NELL2: variants seen among roughly 807,000 people sequenced by gnomAD.
NELL2 encodes the protein neural EGFL like 2, also known as protein kinase C-binding protein NELL2.
NELL2 carries 41 observed loss-of-function variants against 109.6 expected under a neutral mutation model. The observed-to-expected ratio is 0.37, with a 90% CI of 0.29 to 0.49. NELL2 has a LOEUF of 0.49. Among genes scored for constraint, NELL2 ranks in the 20% least tolerant of loss-of-function variants. The pLI is 0.98. For missense variants in NELL2, 900 were observed against 1,008.3 expected, an observed-to-expected ratio of 0.89 and a Z score of 1.45; for synonymous variants, 355 against 344.7, an observed-to-expected ratio of 1.03 and a Z score of -0.33.
chr12:44,516,905 T>C (rs1314366867), intron 19 of NELL2, among the ~76,000 whole-genome samples: 1 of 151,494 alleles, frequency 6.6e-6, no homozygotes, highest in Non-Finnish European at 1.5e-5. Flanking sequence ...TTGTGACTTT[T>C]TTTTTTTTTT....
intron 15 of NELL2, among the ~76,000 whole-genome samples, chr12:44,593,839 G>C (rs1372539818): frequency 6.6e-6 from 1 of 152,134 alleles, no homozygotes; most frequent in African/African-American, 2.4e-5. Flanking sequence ...GCTTAGGATT[G>C]TCTTGGCTAT....
At chr12:44,539,093 G>C (rs1198409591) in intron 15 of NELL2, among the ~76,000 whole-genome samples, 1 of 152,048 alleles carries the variant, frequency 6.6e-6, no homozygotes, top group Non-Finnish European at 1.5e-5. Flanking sequence ...TTAATGATTT[G>C]TCTGTTTCCC....
intron 15 of NELL2, 23 bp from the exon 16 acceptor site, chr12:44,532,744 A>G (rs776476893): frequency 8.8e-6 from 14 of 1,595,044 alleles, no homozygotes; most frequent in Non-Finnish European, 1.0e-5. Flanking sequence ...GAGGGATTTT[A>G]TAAAATTATT....
upstream of NELL2, among the ~76,000 whole-genome samples, chr12:44,918,074 A>T (rs1324004927): frequency 6.6e-6 from 1 of 152,188 alleles, no homozygotes; most frequent in Non-Finnish European, 1.5e-5. Context: ...AAACACCTCC[A>T]CTTGACCTAA....
chr12:44,908,335 T>C (rs1304033412), intron 1 of NELL2, among the ~76,000 whole-genome samples: 1 of 151,928 alleles, frequency 6.6e-6, no homozygotes, highest in African/African-American at 2.4e-5. Flanking sequence ...AACTTTAAGA[T>C]GGGTAAGAAA....
At position 44,701,534 on chromosome 12, in the gene NELL2, C is replaced by T. The variant is rs1592362026; in HGVS notation, c.1318+2192G>A. 3.3e-5 allele frequency among the ~76,000 whole-genome samples: 5 copies of T among 152,184 alleles called. 1 individual carries two copies. Among genetic ancestry groups the T allele is most frequent in the Admixed American group, 3.3e-4 (5 of 15,266 alleles). The stretch of plus-strand genomic sequence containing the variant: ...ATTAAACAAGTAAGGTAATCTAAAT[C>T]TCTGGCCCCTTTCCTTAACTTCTTT... On this transcript the variant is annotated intron_variant, in intron 12 of 19. Coordinates refer to ENST00000429094, the MANE Select transcript of NELL2 (RefSeq NM_001145108.2).
chr12:44,561,505 C>T (rs1486905272), intron 15 of NELL2, among the ~76,000 whole-genome samples: 5 of 152,116 alleles, frequency 3.3e-5, no homozygotes, highest in Non-Finnish European at 7.4e-5. Context: ...AATCAATGTG[C>T]CAAAATCACA....
intron 9 of NELL2, among the ~76,000 whole-genome samples, chr12:44,734,926 T>C (rs2136481841): frequency 6.6e-6 from 1 of 152,198 alleles, no homozygotes; most frequent in East Asian, 1.9e-4. Context: ...TTATTAAGCA[T>C]AGATTTCAAG....
chr12:44,719,097 A>AGG (rs1938636209), intron 9 of NELL2, among the ~76,000 whole-genome samples: 1 of 152,216 alleles, frequency 6.6e-6, no homozygotes, highest in Admixed American at 6.5e-5. Flanking sequence ...ATCAATTAAT[A>AGG]AAAATTATTT....
intron 10 of NELL2, 39 bp downstream of exon 10, chr12:44,714,611 T>C: frequency 7.7e-7 from 1 of 1,299,276 alleles, no homozygotes; most frequent in Non-Finnish European, 1.1e-6. Flanking sequence ...TGTTTATAAA[T>C]AGAAACAATT....
chr12:44,554,201 G>C (rs893194893), intron 15 of NELL2, among the ~76,000 whole-genome samples: 4 of 152,080 alleles, frequency 2.6e-5, no homozygotes, highest in African/African-American at 9.7e-5. Context: ...ACTTTGAATG[G>C]ATGCCATCTT....
intron 12 of NELL2, among the ~76,000 whole-genome samples, chr12:44,668,294 C>T (rs1456515379): frequency 6.6e-6 from 1 of 152,100 alleles, no homozygotes; most frequent in African/African-American, 2.4e-5. Context: ...AGCCGCCTGC[C>T]CAGGGTCACT....
intron 10 of NELL2, 112 bp downstream of exon 10, chr12:44,714,538 T>G (rs911292889): frequency 3.3e-6 from 2 of 608,948 alleles, no homozygotes; most frequent in Non-Finnish European, 5.7e-6. Flanking sequence ...TTGTGAATTT[T>G]CTCTTTGCAT....
intron 1 of NELL2, among the ~76,000 whole-genome samples, chr12:44,882,052 G>A (rs1321804254): frequency 6.6e-6 from 1 of 151,688 alleles, no homozygotes; most frequent in East Asian, 1.9e-4. Context: ...GAATAAATAT[G>A]AAAGAAAAAC....
intron 13 of NELL2, among the ~76,000 whole-genome samples, chr12:44,636,781 G>A (rs964388500): frequency 1.3e-5 from 2 of 152,130 alleles, no homozygotes; most frequent in African/African-American, 4.8e-5. Flanking sequence ...TTGGTATCAG[G>A]ATGATGCTGG....
chr12:44,670,130 T>G (rs1037638950), intron 12 of NELL2, among the ~76,000 whole-genome samples: 2 of 152,138 alleles, frequency 1.3e-5, no homozygotes, highest in Non-Finnish European at 2.9e-5. Context: ...CCAAGAATAC[T>G]ATACCCAGAA....
intron 9 of NELL2, among the ~76,000 whole-genome samples, chr12:44,737,205 T>G (rs1191006529): frequency 6.6e-6 from 1 of 152,046 alleles, no homozygotes; most frequent in Non-Finnish European, 1.5e-5. Context: ...GTTTAATTTT[T>G]GAGTATTTTA....
rs1180131785 is a variant in NELL2 at position 44,508,620 on chromosome 12, G to A, written c.*314C>T. 1.4e-5 allele frequency: 3 copies of A among 217,510 alleles called. No homozygotes were observed. The highest frequency in any genetic ancestry group is 2.7e-5 in the Non-Finnish European group (3 of 110,852). 13.5% of individuals were successfully genotyped at this position (217,510 alleles called of 1,614,324 possible). On this transcript the variant is annotated 3_prime_UTR_variant, in exon 20 of 20. Coordinates refer to ENST00000429094, the MANE Select transcript of NELL2 (RefSeq NM_001145108.2). ...AAAATTTTCTGCACCAGTGAAGCTA[G>A]AGGCTTTCACAGATCCAATGGGCTC...
At chr12:44,531,278 G>A (rs1192567830) in intron 16 of NELL2, among the ~76,000 whole-genome samples, 1 of 152,152 alleles carries the variant, frequency 6.6e-6, no homozygotes, top group African/African-American at 2.4e-5. Context: ...TTCTTTATGT[G>A]CATAAATTTT....
Sources: allele counts gnomAD v4.1 joint callset (sites outside exome capture counted in the v4.1 genomes callset), GRCh38; gene constraint gnomAD v4.1.1; transcripts MANE v1.5; gene names NCBI Gene and HGNC (gene_info 2026-07-23, HGNC 2026-07-21).